Variants in SLIRP observed in about 807,000 individuals in gnomAD.
The protein encoded by SLIRP is SRA stem-loop interacting RNA binding protein.
SLIRP carries 12 observed loss-of-function variants against 13.4 expected under a neutral mutation model. The ratio of observed to expected loss-of-function variants is 0.89; its 90% CI spans 0.57 to 1.45. The LOEUF is 1.45. SLIRP is among the 40% of genes most tolerant of loss of function. The pLI is 0.00. For missense variants in SLIRP, 154 were observed against 132.2 expected, an observed-to-expected ratio of 1.17 and a Z score of -0.81; for synonymous variants, 55 against 47.1, an observed-to-expected ratio of 1.17 and a Z score of -0.69.
chr14:77,710,958 A>G, intron 2 of SLIRP, 62 bp downstream of exon 2: 3 of 1,377,450 alleles, frequency 2.2e-6, no homozygotes, highest in South Asian at 2.3e-5. Context: ...AAAAAATAGA[A>G]TGAATAAGAC....
In SLIRP at chr14:77,715,796, G is replaced by T. The variant is rs781661207; in HGVS notation, c.181G>T (p.Gly61Cys). The change falls in exon 3 of 4, where the codon GGT becomes TGT. Residue 61 changes from glycine (G) to cysteine (C), a missense_variant. Coordinates refer to ENST00000557342, the MANE Select transcript of SLIRP (RefSeq NM_031210.6). The part of the protein sequence containing the change: ...PFDKETGFHR[G>C]LGWVQFSSEE... ...GGACAAGGAGACTGGCTTTCACAGA[G>T]GTTTGGGTTGGGTTCAGTTTTCTTC... 8 of 1,614,078 alleles carry T rather than the reference G, an allele frequency of 5.0e-6. No homozygotes were observed. In the East Asian group the frequency reaches 1.3e-4, roughly 27 times the overall value.
upstream of SLIRP, chr14:77,708,089 C>A (rs373975288): frequency 1.6e-5 from 25 of 1,611,356 alleles, no homozygotes; most frequent in Non-Finnish European, 2.0e-5. Flanking sequence ...GACCTCGGCT[C>A]GAGAAGGTGC....
intron 2 of SLIRP, among the ~76,000 whole-genome samples, chr14:77,712,440 ATT>A (rs55773743): frequency 0.02 from 1,718 of 87,100 alleles, 99 homozygotes; most frequent in Admixed American, 0.035. Flanking sequence ...CGACCGGCTA[ATT>A]TTTTTTTTTT....
In SLIRP at chr14:77,715,889, T is replaced by C; in HGVS notation, c.264+10T>C. On this transcript the variant is annotated intron_variant, in intron 3 of 3. Coordinates refer to ENST00000557342, the MANE Select transcript of SLIRP (RefSeq NM_031210.6). Reference sequence around the variant, plus strand: ...TATAGATGGAGTAAAGGTAAATTTATTTCTATGCCAGATACATACATGATA... The same window carrying C: ...TATAGATGGAGTAAAGGTAAATTTACTTCTATGCCAGATACATACATGATA... 6.3e-7 allele frequency: 1 copy of C among 1,584,456 alleles called. No homozygotes were observed. Among genetic ancestry groups the C allele is most frequent in the Non-Finnish European group, 8.7e-7 (1 of 1,153,442 alleles).
chr14:77,710,472 G>A, intron 1 of SLIRP: 1 of 811,732 alleles, frequency 1.2e-6, no homozygotes, highest in Non-Finnish European at 1.8e-6. Context: ...CAGTAAGTTG[G>A]GATTTTATTT....
chr14:77,710,740 C>G, intron 1 of SLIRP, 98 bp from the exon 2 acceptor site: 1 of 1,583,316 alleles, frequency 6.3e-7, no homozygotes, highest in Non-Finnish European at 8.6e-7. Flanking sequence ...CAAAGTAGTT[C>G]CTGTCCACAA....
intron 2 of SLIRP, among the ~76,000 whole-genome samples, chr14:77,711,215 AAATATATAAATATATACACCTAAT>A (rs1307421800): frequency 8.4e-6 from 1 of 119,560 alleles, no homozygotes; most frequent in East Asian, 1.9e-4. Context: ...TTATATATAT[AAATATATAAATATATACACCTAAT>A]AATATATAAA....
chr14:77,716,731 G>A (rs1420170202), intron 3 of SLIRP, among the ~76,000 whole-genome samples: 1 of 151,402 alleles, frequency 6.6e-6, no homozygotes, highest in East Asian at 2.0e-4. Flanking sequence ...TTAATGGGTA[G>A]CAAGATATGT....
intron 2 of SLIRP, among the ~76,000 whole-genome samples, chr14:77,713,357 C>CT (rs902117414): frequency 6.6e-6 from 1 of 152,152 alleles, no homozygotes; most frequent in Non-Finnish European, 1.5e-5. Flanking sequence ...CACTGAAACC[C>CT]TTTTTTCCTT....
intron 2 of SLIRP, among the ~76,000 whole-genome samples, chr14:77,712,509 ATC>A (rs1292950110): frequency 1.9e-5 from 2 of 108,070 alleles, no homozygotes; most frequent in Non-Finnish European, 3.7e-5. Context: ...CAGTGGCGCG[ATC>A]TCGGCTCACC....
chr14:77,710,891 C>T lies in SLIRP; in HGVS notation c.151C>T (p.Pro51Ser). ...CGGCCATGTCAGAAGGTGCATTTTACCTTTTGTAAGTATTAAGGAAAAGTA... is the reference window on the plus strand; with the variant it reads ...CGGCCATGTCAGAAGGTGCATTTTATCTTTTGTAAGTATTAAGGAAAAGTA... ...QFGHVRRCIL[P>S]FDKETGFHRG... Residue 51 changes from proline to serine, a missense_variant, in exon 2 of 4, where the codon CCT becomes TCT. Physicochemically the swap from Pro to Ser is moderately conservative, Grantham distance 74. Transcript: ENST00000557342. The T allele has an allele frequency of 1.2e-6, 2 of 1,613,958 alleles. No individual in the cohort carries two copies. The highest frequency in any genetic ancestry group is 1.1e-5 in the South Asian group (1 of 91,070).
At chr14:77,712,204 T>G (rs931866539) in intron 2 of SLIRP, among the ~76,000 whole-genome samples, 9 of 152,004 alleles carry the variant, frequency 5.9e-5, no homozygotes, top group African/African-American at 2.2e-4. Context: ...GGGGCTGTGG[T>G]GTGTCTCATC....
At chr14:77,710,779 T>C in intron 1 of SLIRP, 59 bp from the exon 2 acceptor site, 2 of 1,607,004 alleles carry the variant, frequency 1.2e-6, no homozygotes, top group Non-Finnish European at 1.7e-6. Context: ...CTTTCTACAG[T>C]CTAAGATAGA....
chr14:77,710,054 A>G (rs1291627585), intron 1 of SLIRP, among the ~76,000 whole-genome samples: 1 of 152,348 alleles, frequency 6.6e-6, no homozygotes, highest in South Asian at 2.1e-4. Context: ...TAGGAGAACT[A>G]AATAGATATT....
At chr14:77,708,516 G>A (rs2080414147) in intron 1 of SLIRP, among the ~76,000 whole-genome samples, 1 of 152,192 alleles carries the variant, frequency 6.6e-6, no homozygotes, top group Non-Finnish European at 1.5e-5. Flanking sequence ...TGGATTCAAG[G>A]TGGCAAGATT....
At chr14:77,715,905 A>C in intron 3 of SLIRP, 26 bp downstream of exon 3, 2 of 1,416,388 alleles carry the variant, frequency 1.4e-6, no homozygotes, top group Non-Finnish European at 2.0e-6. Context: ...TGCCAGATAC[A>C]TACATGATAT....
intron 2 of SLIRP, among the ~76,000 whole-genome samples, chr14:77,713,144 A>G (rs1011633603): frequency 1.3e-5 from 2 of 152,208 alleles, no homozygotes; most frequent in Non-Finnish European, 2.9e-5. Context: ...AATAATTGGC[A>G]GAGGATATTT....
chr14:77,710,631 C>T, intron 1 of SLIRP: 1 of 1,522,504 alleles, frequency 6.6e-7, no homozygotes, highest in Non-Finnish European at 8.8e-7. Context: ...GCAGCCAACT[C>T]AACAACTTCT....
Position 77,708,123 on chromosome 14 carries a change from A to T in SLIRP, c.12A>T (p.Ser4=), listed in dbSNP as rs1347206912. 1 of 1,614,078 alleles carries T rather than the reference A, an allele frequency of 6.2e-7. No individual in the cohort carries two copies. The highest frequency in any genetic ancestry group is 8.5e-7 in the Non-Finnish European group (1 of 1,180,014). The change falls in exon 1 of 4, where the codon TCA becomes TCT. Residue 4 remains serine, a synonymous_variant. Transcript: ENST00000557342. MAA[S]AARGAAALRR... ...GCTTTAGTCTGAAGATGGCGGCCTC[A>T]GCAGCGAGAGGTGCTGCGGCGCTGC...
Sources: allele counts gnomAD v4.1 joint callset (sites outside exome capture counted in the v4.1 genomes callset), GRCh38; gene constraint gnomAD v4.1.1; transcripts MANE v1.5; gene names NCBI Gene and HGNC (gene_info 2026-07-23, HGNC 2026-07-21).